The following THOC5 variants were observed in gnomAD, a reference collection of about 807,000 sequenced individuals.
THOC5 encodes the protein THO complex subunit 5.
A neutral mutation model predicts 92.9 loss-of-function variants in THOC5; 43 were observed. That is an observed-to-expected ratio of 0.46 (90% CI 0.36 to 0.60). The LOEUF (loss-of-function observed/expected upper bound fraction) is 0.60, where lower values mean the gene tolerates loss of function less well. THOC5 is among the 20% of genes least tolerant of loss of function. The pLI, the probability that THOC5 is intolerant of heterozygous loss-of-function variation, is 0.00. For missense variants in THOC5, 659 were observed against 849.4 expected (o/e 0.78, Z 2.79); for synonymous variants, 296 against 320.1 (o/e 0.92, Z 0.80).
chr22:29,526,435 G>C (rs1458319670), intron 11 of THOC5, among the ~76,000 whole-genome samples: 1 of 151,980 alleles, frequency 6.6e-6, no homozygotes, highest in Non-Finnish European at 1.5e-5. Context: ...GGGAGGCTGA[G>C]GCAGGAGAAT....
At chr22:29,540,237 A>C (rs1212404574) in intron 5 of THOC5, among the ~76,000 whole-genome samples, 1 of 152,060 alleles carries the variant, frequency 6.6e-6, no homozygotes, top group African/African-American at 2.4e-5. Flanking sequence ...GCGCCATTGC[A>C]CTCCAGCCTG....
intron 8 of THOC5, among the ~76,000 whole-genome samples, chr22:29,529,641 G>C (rs957964742): frequency 1.3e-5 from 2 of 152,216 alleles, no homozygotes; most frequent in Non-Finnish European, 2.9e-5. Flanking sequence ...TCTCACCTAA[G>C]TGCTTATTCT....
At chr22:29,518,468 T>C (rs942762323) in intron 15 of THOC5, among the ~76,000 whole-genome samples, 2 of 152,168 alleles carry the variant, frequency 1.3e-5, no homozygotes, top group Non-Finnish European at 2.9e-5. Context: ...CTCATCATTA[T>C]CACTTGGGAG....
chr22:29,544,502 C>CA lies in THOC5; in HGVS notation c.197dup (p.Met66IlefsTer3). 6.2e-7 allele frequency: 1 copy of CA among 1,614,076 alleles called. No individual in the cohort carries two copies. Among genetic ancestry groups the CA allele is most frequent in the Non-Finnish European group, 8.5e-7 (1 of 1,180,010 alleles). On this transcript the variant is annotated frameshift_variant, in exon 3 of 20. Coordinates refer to ENST00000490103, the MANE Select transcript of THOC5 (RefSeq NM_003678.5). LOFTEE classifies it high-confidence loss of function. ...TGCTCTTCAGGTCTTGGATCTCAGC[C>CA]ATCAGCCTCTGTAGCTCCTGGCAGG...
chr22:29,524,964 G>A (rs766157856), intron 12 of THOC5, among the ~76,000 whole-genome samples: 20 of 152,168 alleles, frequency 1.3e-4, no homozygotes, highest in Non-Finnish European at 2.6e-4. Context: ...TCCCGCCCAT[G>A]TTTGCAGAAG....
At chr22:29,517,907 G>A (rs765475140) in intron 15 of THOC5, among the ~76,000 whole-genome samples, 6 of 152,204 alleles carry the variant, frequency 3.9e-5, no homozygotes, top group Non-Finnish European at 8.8e-5. Flanking sequence ...TGGGGAGCAC[G>A]GCCCGATGGA....
At chr22:29,519,519 G>A (rs1428262463) in intron 14 of THOC5, among the ~76,000 whole-genome samples, 1 of 152,152 alleles carries the variant, frequency 6.6e-6, no homozygotes, top group Admixed American at 6.5e-5. Flanking sequence ...AATGCAAAAG[G>A]TACGTAAACT....
chr22:29,520,466 T>C (rs754579292), intron 13 of THOC5, among the ~76,000 whole-genome samples: 33 of 152,256 alleles, frequency 2.2e-4, no homozygotes, highest in Non-Finnish European at 4.3e-4. Flanking sequence ...CACGTATTAT[T>C]ATGCTTCCAG....
intron 6 of THOC5, among the ~76,000 whole-genome samples, 186 bp downstream of exon 6, chr22:29,539,144 T>C (rs545868020): frequency 4.0e-4 from 60 of 150,520 alleles, no homozygotes; most frequent in Middle Eastern, 3.5e-3. Flanking sequence ...CTTAAGCAAT[T>C]ATAACCCCAA....
chr22:29,552,859 G>A (rs547028832), intron 1 of THOC5, among the ~76,000 whole-genome samples: 2 of 152,310 alleles, frequency 1.3e-5, no homozygotes, highest in South Asian at 4.1e-4. Flanking sequence ...TGTGGAGAGA[G>A]GTGGACAAGG....
At chr22:29,518,574 T>C (rs1191170796) in intron 15 of THOC5, among the ~76,000 whole-genome samples, 1 of 152,194 alleles carries the variant, frequency 6.6e-6, no homozygotes, top group East Asian at 1.9e-4. Context: ...GATAGCTATA[T>C]TCAAAAAGCT....
intron 10 of THOC5, 88 bp from the exon 11 acceptor site, chr22:29,528,265 G>T (rs1488526280): frequency 6.2e-7 from 1 of 1,613,772 alleles, no homozygotes; most frequent in Non-Finnish European, 8.5e-7. Flanking sequence ...CAGCCCTACT[G>T]CCTGGCACCT....
intron 13 of THOC5, 111 bp downstream of exon 13, chr22:29,520,887 T>C (rs1212355595): frequency 9.1e-6 from 7 of 772,444 alleles, no homozygotes; most frequent in Non-Finnish European, 1.3e-5. Context: ...CCCTGTGGTC[T>C]TTCCTATCCT....
intron 9 of THOC5, among the ~76,000 whole-genome samples, chr22:29,528,681 C>T (rs1459911743): frequency 6.6e-6 from 1 of 151,930 alleles, no homozygotes; most frequent in African/African-American, 2.4e-5. Context: ...TCATTTTTTT[C>T]AAAGGGCTTT....
chr22:29,536,722 G>A lies in THOC5; in HGVS notation c.616C>T (p.Arg206Ter), dbSNP rs754915675. The change falls in exon 7 of 20, where the codon CGA (arginine) becomes TGA (stop). Residue 206 changes from arginine to a stop codon, truncating the protein, a stop_gained. Coordinates refer to ENST00000490103, the MANE Select transcript of THOC5 (RefSeq NM_003678.5). LOFTEE classifies it high-confidence loss of function. ...EQRKRLAEKY[R>*]ECLSNKEKIL... ...TTCTCCTTGTTAGATAGGCACTCTC[G>A]GTACTTCTCTGCCAGCCTGTTGGGG... 5 of 1,608,552 alleles carry A rather than the reference G, an allele frequency of 3.1e-6. No individual in the cohort carries two copies. Among genetic ancestry groups the A allele is most frequent in the Admixed American group, 1.7e-5 (1 of 60,008 alleles).
intron 1 of THOC5, among the ~76,000 whole-genome samples, chr22:29,552,775 G>A (rs1321708025): frequency 2.6e-5 from 4 of 152,202 alleles, no homozygotes; most frequent in Admixed American, 6.5e-5. Context: ...CCATGATGAC[G>A]ATGGCGGTTT....
intron 19 of THOC5, among the ~76,000 whole-genome samples, chr22:29,508,991 T>C (rs1028089883): frequency 1.3e-5 from 2 of 152,096 alleles, no homozygotes; most frequent in African/African-American, 4.8e-5. Flanking sequence ...GGTTTTGCCA[T>C]GTTGGCCAGG....
chr22:29,533,962 G>A (rs1475346625), intron 7 of THOC5, among the ~76,000 whole-genome samples: 1 of 152,180 alleles, frequency 6.6e-6, no homozygotes, highest in Non-Finnish European at 1.5e-5. Flanking sequence ...ATAACATACT[G>A]TATGACCTAG....
intron 2 of THOC5, among the ~76,000 whole-genome samples, chr22:29,545,429 C>T (rs568049539): frequency 1.3e-5 from 2 of 152,166 alleles, no homozygotes; most frequent in South Asian, 2.1e-4. Flanking sequence ...TCAGCATTAA[C>T]CCAAAAGTCC....
Sources: allele counts gnomAD v4.1 joint callset (sites outside exome capture counted in the v4.1 genomes callset), GRCh38; gene constraint gnomAD v4.1.1; transcripts MANE v1.5; gene names NCBI Gene and HGNC (gene_info 2026-07-23, HGNC 2026-07-21).